The following COL19A1 variants were observed in gnomAD, a reference collection of about 807,000 sequenced individuals.
COL19A1 encodes collagen type XIX alpha 1 chain, also known as collagen alpha-1(XIX) chain.
In COL19A1, 159 loss-of-function variants were observed where a neutral mutation model predicts 190.2. That is an observed-to-expected ratio of 0.84 (90% CI 0.73 to 0.95). The LOEUF (loss-of-function observed/expected upper bound fraction) is 0.95, where lower values mean the gene tolerates loss of function less well. Ranked by LOEUF, COL19A1 falls within the 40% of genes least tolerant of loss-of-function variation. COL19A1 has a pLI of 0.00. For synonymous variants in COL19A1, 509 were observed against 458.9 expected, an observed-to-expected ratio of 1.11 and a Z score of -1.39; for missense variants, 1,418 against 1,431.9, an observed-to-expected ratio of 0.99 and a Z score of 0.16.
At chr6:70,190,496 G>C in intron 48 of COL19A1, 115 bp downstream of exon 48, 4 of 681,430 alleles carry the variant, frequency 5.9e-6, no homozygotes, top group Non-Finnish European at 1.0e-5. Flanking sequence ...AAAACCTTAA[G>C]GGGCAGCCCA....
At position 70,179,969 on chromosome 6, in the gene COL19A1, G is replaced by A. The variant is rs144389966; in HGVS notation, c.2668-343G>A. Among the ~76,000 whole-genome samples, 168 of 152,162 alleles carry A rather than the reference G, an allele frequency of 1.1e-3. 1 individual carries two copies. The East Asian group carries it at 0.029, about 26-fold the overall frequency. On this transcript the variant is annotated intron_variant, in intron 42 of 50. Coordinates refer to ENST00000620364, the MANE Select transcript of COL19A1 (RefSeq NM_001858.6). ...ATGATCTCAGCTCACTGCAACCTCC[G>A]CCTCCTGGGTTCAAGTGATTCTCCT...
chr6:70,018,564 C>T (rs1778245407), intron 11 of COL19A1, among the ~76,000 whole-genome samples: 1 of 152,014 alleles, frequency 6.6e-6, no homozygotes, highest in Non-Finnish European at 1.5e-5. Flanking sequence ...AAAGTGAAGG[C>T]ATTGGGGGCT....
intron 14 of COL19A1, among the ~76,000 whole-genome samples, chr6:70,049,249 C>T (rs1780067301): frequency 6.6e-6 from 1 of 151,824 alleles, no homozygotes; most frequent in African/African-American, 2.4e-5. Context: ...ATTGGGATTT[C>T]TGAGGTCCTA....
At chr6:70,001,168 C>T (rs1777240771) in intron 11 of COL19A1, among the ~76,000 whole-genome samples, 1 of 152,130 alleles carries the variant, frequency 6.6e-6, no homozygotes, top group South Asian at 2.1e-4. Flanking sequence ...TGTCGAAGAT[C>T]AGATTGTTGT....
At chr6:70,108,557 A>T (rs1273496959) in intron 16 of COL19A1, among the ~76,000 whole-genome samples, 6 of 152,188 alleles carry the variant, frequency 3.9e-5, no homozygotes, top group Non-Finnish European at 7.4e-5. Context: ...TATGATTTTT[A>T]AAAAATTATT....
At chr6:69,983,009 T>C (rs1260612388) in intron 11 of COL19A1, among the ~76,000 whole-genome samples, 1 of 148,260 alleles carries the variant, frequency 6.7e-6, no homozygotes, top group African/African-American at 2.5e-5. Context: ...AATAAATAAA[T>C]AAATAAATAA....
chr6:70,044,335 A>G (rs1582765803), intron 14 of COL19A1, among the ~76,000 whole-genome samples: 1 of 152,316 alleles, frequency 6.6e-6, no homozygotes, highest in East Asian at 1.9e-4. Flanking sequence ...CTATAGTAGC[A>G]CATTTAATTT....
intron 4 of COL19A1, among the ~76,000 whole-genome samples, chr6:69,909,188 A>C (rs1490557902): frequency 6.6e-6 from 1 of 152,164 alleles, no homozygotes; most frequent in African/African-American, 2.4e-5. Context: ...AATGTACATA[A>C]ACTTTCTAAG....
At chr6:70,024,581 TCGTGTG>T (rs1390002463) in intron 12 of COL19A1, among the ~76,000 whole-genome samples, 2 of 98,196 alleles carry the variant, frequency 2.0e-5, no homozygotes, top group Non-Finnish European at 4.1e-5. Flanking sequence ...GTGGAGAAAG[TCGTGTG>T]TGTGTGTGTG....
intron 25 of COL19A1, among the ~76,000 whole-genome samples, chr6:70,146,064 G>A (rs1018923303): frequency 2.6e-5 from 4 of 152,038 alleles, no homozygotes; most frequent in South Asian, 2.1e-4. Flanking sequence ...GCTTTCTTCT[G>A]AAGAAAATAT....
intron 2 of COL19A1, among the ~76,000 whole-genome samples, chr6:69,880,749 G>A (rs1768489137): frequency 6.6e-6 from 1 of 152,064 alleles, no homozygotes; most frequent in Non-Finnish European, 1.5e-5. Flanking sequence ...AATTTGGGGG[G>A]GAAACTCTTT....
chr6:69,968,612 A>G (rs117992151), intron 11 of COL19A1, among the ~76,000 whole-genome samples: 2 of 152,298 alleles, frequency 1.3e-5, no homozygotes, highest in East Asian at 1.9e-4. Context: ...ATCATTTGCT[A>G]CTAGAAACAA....
intron 31 of COL19A1, among the ~76,000 whole-genome samples, chr6:70,152,806 C>T (rs1422695889): frequency 6.6e-6 from 1 of 152,008 alleles, no homozygotes; most frequent in East Asian, 1.9e-4. Context: ...AGCAGGATTG[C>T]CGGAGTTATA....
In COL19A1 at chr6:70,103,440, T is replaced by C. The variant is rs192195420; in HGVS notation, c.1278+1218T>C. 1.3e-3 allele frequency among the ~76,000 whole-genome samples: 200 copies of C among 152,286 alleles called. 4 individuals carry two copies. Among genetic ancestry groups the C allele is most frequent in the African/African-American group, 4.6e-3 (193 of 41,568 alleles). The stretch of plus-strand genomic sequence containing the variant: ...GATGGCTTAAAATTCTCTAAAAGCT[T>C]AAAACTATTTGATTTTAAATTCCTC... On this transcript the variant is annotated intron_variant, in intron 16 of 50. Coordinates refer to ENST00000620364, the MANE Select transcript of COL19A1 (RefSeq NM_001858.6).
At chr6:70,151,490 A>G in intron 31 of COL19A1, 52 bp downstream of exon 31, 1 of 1,567,828 alleles carries the variant, frequency 6.4e-7, no homozygotes, top group Non-Finnish European at 8.7e-7. Context: ...GAAAAATTAG[A>G]AAGAAAAATA....
chr6:70,117,792 T>TA (rs1784665840), intron 16 of COL19A1, among the ~76,000 whole-genome samples: 2 of 152,174 alleles, frequency 1.3e-5, no homozygotes, highest in East Asian at 1.9e-4. Flanking sequence ...CAAATCTCCG[T>TA]AAAAAACAGA....
At chr6:70,016,794 A>T (rs1778136350) in intron 11 of COL19A1, among the ~76,000 whole-genome samples, 1 of 152,088 alleles carries the variant, frequency 6.6e-6, no homozygotes, top group African/African-American at 2.4e-5. Flanking sequence ...TCATTAAGAA[A>T]ATGCAAATTA....
chr6:70,086,634 G>A (rs1188271907), intron 15 of COL19A1, among the ~76,000 whole-genome samples: 1 of 151,994 alleles, frequency 6.6e-6, no homozygotes, highest in African/African-American at 2.4e-5. Context: ...TTTTACAAAG[G>A]TTTTATCTCA....
intron 11 of COL19A1, among the ~76,000 whole-genome samples, chr6:70,016,256 A>C (rs905579090): frequency 1.9e-5 from 1 of 51,548 alleles, no homozygotes. Flanking sequence ...TGGGAGATAT[A>C]CCTAATGCTA....
Sources: allele counts gnomAD v4.1 joint callset (sites outside exome capture counted in the v4.1 genomes callset), GRCh38; gene constraint gnomAD v4.1.1; transcripts MANE v1.5; gene names NCBI Gene and HGNC (gene_info 2026-07-23, HGNC 2026-07-21).